PAPSS1: variants seen among roughly 807,000 people sequenced by gnomAD.
PAPSS1 encodes the protein 3'-phosphoadenosine 5'-phosphosulfate synthase 1.
A neutral mutation model predicts 72.0 loss-of-function variants in PAPSS1; 50 were observed. The observed-to-expected ratio is 0.69, with a 90% CI of 0.55 to 0.88. The LOEUF is 0.88. PAPSS1 is among the 40% of genes least tolerant of loss of function. PAPSS1 has a pLI of 0.00. For synonymous variants in PAPSS1, 261 were observed against 263.6 expected, an observed-to-expected ratio of 0.99 and a Z score of 0.09; for missense variants, 657 against 782.2, an observed-to-expected ratio of 0.84 and a Z score of 1.91.
rs1726946436 is a variant in PAPSS1 at position 107,654,692 on chromosome 4, C to T, written c.1101+3G>A. 1.2e-6 allele frequency: 2 copies of T among 1,609,968 alleles called. No individual in the cohort carries two copies. The highest frequency in any genetic ancestry group is 1.3e-5 in the African/African-American group (1 of 74,730). On this transcript the variant is annotated splice_donor_region_variant and intron_variant, in intron 8 of 11. Transcript: ENST00000265174. ...ATAAAATGCAGCGAGGTTTTTTCAGCACCTTAATATAGGGGTGGTTCTTGC... is the reference window on the plus strand; with the variant it reads ...ATAAAATGCAGCGAGGTTTTTTCAGTACCTTAATATAGGGGTGGTTCTTGC...
intron 5 of PAPSS1, among the ~76,000 whole-genome samples, chr4:107,668,752 T>G (rs2110328339): frequency 6.6e-6 from 1 of 152,208 alleles, no homozygotes; most frequent in Admixed American, 6.5e-5. Flanking sequence ...CTTGTGATCA[T>G]GCAAGTTAAT....
intron 9 of PAPSS1, 107 bp downstream of exon 9, chr4:107,653,384 A>T: frequency 1.1e-6 from 1 of 928,080 alleles, no homozygotes; most frequent in Non-Finnish European, 1.6e-6. Flanking sequence ...TTCCACTGCT[A>T]TATTTACCTG....
intron 1 of PAPSS1, among the ~76,000 whole-genome samples, chr4:107,713,967 G>C (rs1466788484): frequency 1.3e-5 from 2 of 152,076 alleles, no homozygotes; most frequent in Non-Finnish European, 2.9e-5. Flanking sequence ...TTTAGGAAAA[G>C]ATATGTCACA....
chr4:107,673,278 G>A (rs139323785), intron 5 of PAPSS1, among the ~76,000 whole-genome samples: 1 of 152,038 alleles, frequency 6.6e-6, no homozygotes, highest in Admixed American at 6.6e-5. Flanking sequence ...AAAGGAGGAA[G>A]TTCAAACCCA....
At chr4:107,686,131 T>C (rs1194849077) in intron 4 of PAPSS1, among the ~76,000 whole-genome samples, 2 of 152,188 alleles carry the variant, frequency 1.3e-5, no homozygotes, top group Non-Finnish European at 2.9e-5. Flanking sequence ...GGTTCTAAAT[T>C]TCTCCCTCAA....
intron 7 of PAPSS1, 127 bp from the exon 8 acceptor site, chr4:107,655,027 C>A: frequency 3.5e-6 from 2 of 572,436 alleles, no homozygotes; most frequent in East Asian, 3.3e-5. Flanking sequence ...TGACAGTATT[C>A]AACTGGTACC....
In PAPSS1 at chr4:107,720,186, G is replaced by A. The variant is rs759062377; in HGVS notation, c.-7C>T. ...GGCTCCCGGGGATCTCCATGACCGC[G>A]GAGCGCGCTGAGCAGCCGGGGTTCT... On this transcript the variant is annotated 5_prime_UTR_variant, in exon 1 of 12. Coordinates refer to ENST00000265174, the MANE Select transcript of PAPSS1 (RefSeq NM_005443.5). 8.1e-5 allele frequency: 130 copies of A among 1,601,848 alleles called. 2 individuals carry two copies. The South Asian group carries it at 1.4e-3, about 17-fold the overall frequency.
chr4:107,647,431 T>A (rs911831889), intron 9 of PAPSS1, among the ~76,000 whole-genome samples: 1 of 152,160 alleles, frequency 6.6e-6, no homozygotes, highest in Non-Finnish European at 1.5e-5. Flanking sequence ...AGAGCCAAAT[T>A]CAAATGGCAC....
At chr4:107,631,375 C>A (rs1388966982) in intron 11 of PAPSS1, among the ~76,000 whole-genome samples, 1 of 152,202 alleles carries the variant, frequency 6.6e-6, no homozygotes, top group Non-Finnish European at 1.5e-5. Flanking sequence ...CTATAGCAGA[C>A]ACAGTAGGCA....
At chr4:107,705,319 C>G (rs1723313738) in intron 1 of PAPSS1, among the ~76,000 whole-genome samples, 1 of 152,154 alleles carries the variant, frequency 6.6e-6, no homozygotes, top group Admixed American at 6.5e-5. Flanking sequence ...AGGAGGTGAT[C>G]AGATCATGGG....
At chr4:107,673,882 G>C (rs1490360710) in intron 5 of PAPSS1, among the ~76,000 whole-genome samples, 1 of 152,128 alleles carries the variant, frequency 6.6e-6, no homozygotes, top group African/African-American at 2.4e-5. Flanking sequence ...AAGAGAGTGG[G>C]GGCCAATATT....
At chr4:107,628,212 G>T (rs946578602) in intron 11 of PAPSS1, among the ~76,000 whole-genome samples, 2 of 152,138 alleles carry the variant, frequency 1.3e-5, no homozygotes, top group African/African-American at 4.8e-5. Flanking sequence ...TCATCTAAAA[G>T]TATGCATTGT....
chr4:107,653,901 C>T (rs939995976), intron 8 of PAPSS1, among the ~76,000 whole-genome samples: 8 of 152,152 alleles, frequency 5.3e-5, no homozygotes, highest in Admixed American at 3.9e-4. Flanking sequence ...ACATTCTTTT[C>T]GTTATTATCA....
intron 11 of PAPSS1, among the ~76,000 whole-genome samples, chr4:107,614,857 A>G (rs1003749532): frequency 3.1e-4 from 47 of 152,194 alleles, no homozygotes; most frequent in African/African-American, 1.1e-3. Context: ...TAGCTGTCAC[A>G]GAACACTTCC....
intron 4 of PAPSS1, among the ~76,000 whole-genome samples, chr4:107,684,715 C>T (rs1722727228): frequency 6.6e-6 from 1 of 152,100 alleles, no homozygotes; most frequent in South Asian, 2.1e-4. Context: ...CTAGAAGCTC[C>T]CCGCACCACC....
At chr4:107,701,407 G>A (rs1723202983) in intron 1 of PAPSS1, 122 bp from the exon 2 acceptor site, 1 of 462,038 alleles carries the variant, frequency 2.2e-6, no homozygotes, top group African/African-American at 2.0e-5. Context: ...AGATAAAACA[G>A]TTTTTTTTTT....
chr4:107,702,953 T>C (rs1052532402), intron 1 of PAPSS1, among the ~76,000 whole-genome samples: 2 of 152,204 alleles, frequency 1.3e-5, no homozygotes, highest in Admixed American at 1.3e-4. Context: ...ATAATGGCTA[T>C]ACTAATATTC....
At chr4:107,654,642 G>T in intron 8 of PAPSS1, 53 bp downstream of exon 8, 2 of 1,428,354 alleles carry the variant, frequency 1.4e-6, no homozygotes, top group Non-Finnish European at 9.9e-7. Context: ...CCACATTTCA[G>T]CACAAACATC....
In PAPSS1 at chr4:107,679,680, A is replaced by C. The variant is rs1328739481; in HGVS notation, c.669+2335T>G. Among the ~76,000 whole-genome samples the C allele has an allele frequency of 2.8e-5, 4 of 144,432 alleles. No individual in the cohort carries two copies. The South Asian group carries it at 6.5e-4, about 24-fold the overall frequency. The allele number at this position is 144,432 out of a possible 152,430, so 94.8% of individuals were successfully genotyped here. A position where few individuals can be genotyped will look rare whatever the true frequency, so the allele number is the denominator to read the frequency against. ...ACACATGTTCAAACCATGAGGCAGG[A>C]CTTTTTTTTTTTTTTTGAGACAGAA... On this transcript the variant is annotated intron_variant, in intron 5 of 11. Transcript: ENST00000265174.
Sources: gnomAD v4.1 joint callset for allele counts (sites outside exome capture counted in the v4.1 genomes callset) on GRCh38, gnomAD v4.1.1 for gene constraint, MANE v1.5 for transcripts, NCBI Gene and HGNC (gene_info 2026-07-23, HGNC 2026-07-21) for gene names.